Variants in WDPCP observed in about 807,000 individuals in gnomAD.
WDPCP encodes WD repeat containing planar cell polarity effector, also known as WD repeat-containing and planar cell polarity effector protein fritz homolog.
WDPCP carries 71 observed loss-of-function variants against 93.1 expected under a neutral mutation model. The observed-to-expected ratio is 0.76, with a 90% CI of 0.63 to 0.93. The LOEUF (loss-of-function observed/expected upper bound fraction) is 0.93, where lower values mean the gene tolerates loss of function less well. Among genes scored for constraint, WDPCP ranks in the 40% least tolerant of loss-of-function variants. The pLI, the probability that WDPCP is intolerant of heterozygous loss-of-function variation, is 0.00. For synonymous variants in WDPCP, 315 were observed against 315.0 expected (o/e 1.00, Z 0.00); for missense variants, 844 against 887.4 (o/e 0.95, Z 0.62).
chr2:63,591,145 T>C (rs1709195160), upstream of WDPCP, among the ~76,000 whole-genome samples: 1 of 152,252 alleles, frequency 6.6e-6, no homozygotes, highest in Non-Finnish European at 1.5e-5. Flanking sequence ...GGTGCCCTGC[T>C]AAGAGCAAAG....
chr2:63,248,831 T>C (rs1268671711), intron 14 of WDPCP, among the ~76,000 whole-genome samples: 3 of 152,110 alleles, frequency 2.0e-5, no homozygotes, highest in African/African-American at 7.2e-5. Context: ...AATTCAGTTA[T>C]GGGACTTTTC....
At chr2:63,332,850 C>G (rs1203139292) in intron 12 of WDPCP, among the ~76,000 whole-genome samples, 2 of 152,090 alleles carry the variant, frequency 1.3e-5, no homozygotes, top group African/African-American at 2.4e-5. Context: ...CTCAGGTGAT[C>G]CTCCCACCTT....
At chr2:63,821,054 C>T (rs867105097) in intron 1 of WDPCP, among the ~76,000 whole-genome samples, 13 of 152,138 alleles carry the variant, frequency 8.5e-5, no homozygotes, top group African/African-American at 3.1e-4. Context: ...GATTCAGTTA[C>T]ATTTAATTCG....
At chr2:63,734,866 T>TAGACAGAC (rs776324098) in intron 2 of WDPCP, among the ~76,000 whole-genome samples, 14 of 131,928 alleles carry the variant, frequency 1.1e-4, no homozygotes, top group Non-Finnish European at 1.6e-4. Flanking sequence ...TGGAGATAGA[T>TAGACAGAC]AGATAGACAG....
At chr2:63,587,275 C>A (rs1481370584) in intron 1 of WDPCP, among the ~76,000 whole-genome samples, 2 of 152,244 alleles carry the variant, frequency 1.3e-5, no homozygotes, top group East Asian at 3.9e-4. Flanking sequence ...AGAATACAGG[C>A]ACCCCAATGT....
intron 1 of WDPCP, among the ~76,000 whole-genome samples, chr2:63,552,387 T>A (rs1054958517): frequency 3.9e-5 from 6 of 152,116 alleles, no homozygotes; most frequent in African/African-American, 1.4e-4. Flanking sequence ...TGCCAATTTT[T>A]AAAGATTTAT....
chr2:63,551,864 C>G (rs1207475049), intron 1 of WDPCP, among the ~76,000 whole-genome samples: 1 of 151,266 alleles, frequency 6.6e-6, no homozygotes, highest in Non-Finnish European at 1.5e-5. Flanking sequence ...TTGTCATTGT[C>G]CTTTTCTAAC....
At chr2:63,279,581 T>G (rs1683357528) in intron 13 of WDPCP, among the ~76,000 whole-genome samples, 1 of 152,198 alleles carries the variant, frequency 6.6e-6, no homozygotes, top group Non-Finnish European at 1.5e-5. Context: ...ACCACTTCTA[T>G]TCAACATATT....
chr2:63,556,161 G>A (rs147043749), intron 1 of WDPCP, among the ~76,000 whole-genome samples: 6 of 152,178 alleles, frequency 3.9e-5, no homozygotes, highest in Middle Eastern at 3.2e-3. Flanking sequence ...TCAATGACCT[G>A]ATGGAGCTGA....
At chr2:63,436,631 T>C (rs1324102311) in intron 8 of WDPCP, among the ~76,000 whole-genome samples, 1 of 152,090 alleles carries the variant, frequency 6.6e-6, no homozygotes. Flanking sequence ...ATCAGCTCTG[T>C]TCCCAGTGAA....
Position 63,381,888 on chromosome 2 carries a change from AAAT to A in WDPCP, c.1624+15_1624+17del, listed in dbSNP as rs1692341243. ...TGTATATACAAAACTCATCAATGAA[AAAT>A]ATTTCAAGTCTGACCTTCTCTCTCT... is the stretch of plus-strand genomic sequence containing the variant. On this transcript the variant is annotated intron_variant, in intron 11 of 17. Coordinates refer to ENST00000272321, the MANE Select transcript of WDPCP (RefSeq NM_015910.7). The A allele has an allele frequency of 4.3e-6, 7 of 1,613,062 alleles. No individual in the cohort carries two copies. The East Asian group carries it at 1.6e-4, about 36-fold the overall frequency.
chr2:63,447,443 A>T (rs1356507073), intron 6 of WDPCP, among the ~76,000 whole-genome samples: 1 of 152,156 alleles, frequency 6.6e-6, no homozygotes, highest in African/African-American at 2.4e-5. Context: ...CCACAAATAT[A>T]CTTCTTATTT....
chr2:63,765,292 G>C (rs1212464914), intron 2 of WDPCP, among the ~76,000 whole-genome samples: 2 of 152,196 alleles, frequency 1.3e-5, no homozygotes, highest in Non-Finnish European at 2.9e-5. Context: ...AGGCAAGAGG[G>C]TGGGGGCAGT....
intron 9 of WDPCP, among the ~76,000 whole-genome samples, chr2:63,415,015 T>C (rs1043749380): frequency 1.3e-5 from 2 of 152,186 alleles, no homozygotes; most frequent in African/African-American, 4.8e-5. Flanking sequence ...TAATGATAGA[T>C]GGCTAACACT....
chr2:63,831,398 C>A (rs1275804010), upstream of WDPCP, among the ~76,000 whole-genome samples: 3 of 152,098 alleles, frequency 2.0e-5, no homozygotes, highest in Non-Finnish European at 4.4e-5. Flanking sequence ...GTTTCAGAGC[C>A]TCGGTTCTTG....
At chr2:63,693,468 T>TAGATAGAG (rs1485191373) in intron 2 of WDPCP, among the ~76,000 whole-genome samples, 1 of 151,632 alleles carries the variant, frequency 6.6e-6, no homozygotes, top group Non-Finnish European at 1.5e-5. Context: ...GATAGATAGA[T>TAGATAGAG]AGATAGATAG....
chr2:63,420,534 C>CA (rs11287367), intron 9 of WDPCP, among the ~76,000 whole-genome samples: 110 of 123,226 alleles, frequency 8.9e-4, no homozygotes, highest in East Asian at 3.2e-3. Flanking sequence ...AACTCCATCT[C>CA]AAAAAAAAAA....
chr2:63,622,466 G>A, intron 3 of WDPCP: 1 of 1,613,946 alleles, frequency 6.2e-7, no homozygotes, highest in Non-Finnish European at 8.5e-7. Context: ...TTTCAGTCCA[G>A]CCGCTGTTGT....
Position 63,752,544 on chromosome 2 carries a change from T to A in WDPCP, n.308+61078A>T, listed in dbSNP as rs555416068. The A allele has an allele frequency of 4.5e-5, 31 of 684,026 alleles. No individual in the cohort carries two copies. In the Admixed American group the frequency reaches 5.3e-4, roughly 12 times the overall value. The allele number at this position is 684,026 out of a possible 1,614,324, so 42.4% of individuals were successfully genotyped here. A position where few individuals can be genotyped will look rare whatever the true frequency, so the allele number is the denominator to read the frequency against. ...AGCATTCCCCATTGCTCAGAATGGC[T>A]CCTCAGCCTCTCATCAGTTGTTTCA... On this transcript the variant is annotated intron_variant and non_coding_transcript_variant, in intron 2 of 4. Transcript: ENST00000467687.
Sources: gnomAD v4.1 joint callset for allele counts (sites outside exome capture counted in the v4.1 genomes callset) on GRCh38, gnomAD v4.1.1 for gene constraint, MANE v1.5 for transcripts, NCBI Gene and HGNC (gene_info 2026-07-23, HGNC 2026-07-21) for gene names.